The following ALG5 variants were observed in gnomAD, a reference collection of about 807,000 sequenced individuals.
The protein encoded by ALG5 is dolichyl-phosphate beta-glucosyltransferase.
In ALG5, 26 loss-of-function variants were observed where a neutral mutation model predicts 51.8. That is an observed-to-expected ratio of 0.50 (90% CI 0.37 to 0.70). ALG5 has a LOEUF of 0.70. ALG5 is among the 30% of genes least tolerant of loss of function. ALG5 has a pLI of 0.00. For synonymous variants in ALG5, 141 were observed against 136.1 expected, an observed-to-expected ratio of 1.04 and a Z score of -0.25; for missense variants, 311 against 399.3, an observed-to-expected ratio of 0.78 and a Z score of 1.88.
intron 7 of ALG5, 28 bp from the exon 8 acceptor site, chr13:36,965,754 C>G: frequency 6.3e-7 from 1 of 1,597,636 alleles, no homozygotes; most frequent in Non-Finnish European, 8.5e-7. Context: ...ATATAAATGA[C>G]TTTTCCATTC....
intron 6 of ALG5, among the ~76,000 whole-genome samples, chr13:36,975,075 G>A (rs566448866): frequency 1.8e-3 from 269 of 152,296 alleles, no homozygotes; most frequent in African/African-American, 6.2e-3. Context: ...GCTGGGCGTG[G>A]TGGCATGCGC....
intron 8 of ALG5, among the ~76,000 whole-genome samples, chr13:36,957,819 TC>T (rs889789351): frequency 1.3e-5 from 2 of 151,976 alleles, no homozygotes; most frequent in African/African-American, 4.8e-5. Context: ...AGGAAGCCTG[TC>T]CCCGAGAAGA....
chr13:36,985,800 C>T (rs973647469), intron 5 of ALG5, 60 bp from the exon 6 acceptor site: 2 of 1,120,318 alleles, frequency 1.8e-6, no homozygotes, highest in Non-Finnish European at 2.7e-6. Context: ...AATTCAATGA[C>T]ACTTCAGTCT....
intron 6 of ALG5, among the ~76,000 whole-genome samples, chr13:36,982,525 C>T (rs374819054): frequency 1.3e-5 from 2 of 152,178 alleles, no homozygotes; most frequent in African/African-American, 4.8e-5. Flanking sequence ...TACAATAGAG[C>T]GTTGAGCAGC....
chr13:36,986,524 GGT>G (rs2059002548), intron 5 of ALG5, among the ~76,000 whole-genome samples: 1 of 152,108 alleles, frequency 6.6e-6, no homozygotes, highest in Non-Finnish European at 1.5e-5. Flanking sequence ...TGTGACTATA[GGT>G]AAGACATATA....
intron 1 of ALG5, among the ~76,000 whole-genome samples, chr13:36,997,884 C>A (rs1270490065): frequency 6.6e-6 from 1 of 152,018 alleles, no homozygotes; most frequent in Non-Finnish European, 1.5e-5. Context: ...CTTGCTCTGG[C>A]ATTTAAAAAA....
At chr13:36,990,818 T>C (rs1321559058) in intron 4 of ALG5, among the ~76,000 whole-genome samples, 1 of 152,204 alleles carries the variant, frequency 6.6e-6, no homozygotes, top group African/African-American at 2.4e-5. Context: ...CACTGGCTAC[T>C]ATAACTCACT....
At chr13:36,976,705 A>C (rs1223235318) in intron 6 of ALG5, among the ~76,000 whole-genome samples, 2 of 151,816 alleles carry the variant, frequency 1.3e-5, no homozygotes, top group Admixed American at 1.3e-4. Context: ...CCGAGATCGC[A>C]CCACTGCACT....
intron 1 of ALG5, among the ~76,000 whole-genome samples, chr13:36,997,388 G>C (rs548710560): frequency 2.8e-5 from 4 of 140,786 alleles, no homozygotes; most frequent in African/African-American, 1.1e-4. Flanking sequence ...CAGGAGAATT[G>C]CTTGAGGGCA....
chr13:36,987,637 T>C (rs1364670155), intron 5 of ALG5, among the ~76,000 whole-genome samples: 1 of 152,226 alleles, frequency 6.6e-6, no homozygotes, highest in Non-Finnish European at 1.5e-5. Flanking sequence ...GTGTACAGCA[T>C]GCAGAACCGT....
At position 36,997,432 on chromosome 13, in the gene ALG5, C is replaced by T. The variant is rs576851899; in HGVS notation, c.66+1803G>A. On this transcript the variant is annotated intron_variant, in intron 1 of 9. Transcript: ENST00000239891. ...AGTGAGCCAAGATCACACCACTGCA[C>T]TCCAGCCTGGGTGACAAGAGCCAGA... Among the ~76,000 whole-genome samples, 3 of 141,804 alleles carry T rather than the reference C, an allele frequency of 2.1e-5. No individual in the cohort carries two copies. The East Asian group carries it at 6.3e-4, about 30-fold the overall frequency. The allele number at this position is 141,804 out of a possible 152,430, so 93.0% of individuals were successfully genotyped here. A position where few individuals can be genotyped will look rare whatever the true frequency, so the allele number is the denominator to read the frequency against.
intron 7 of ALG5, among the ~76,000 whole-genome samples, chr13:36,971,649 CAAAAA>C (rs35424140): frequency 2.0e-5 from 1 of 50,700 alleles, no homozygotes; most frequent in Non-Finnish European, 3.3e-5. Context: ...ACTCCGTCTC[CAAAAA>C]AAAAAAAAAA....
chr13:36,978,482 C>G (rs941127347), intron 6 of ALG5, among the ~76,000 whole-genome samples: 1 of 151,900 alleles, frequency 6.6e-6, no homozygotes, highest in Non-Finnish European at 1.5e-5. Context: ...CCACTGTGCC[C>G]GGTCCTCAGT....
chr13:36,973,167 A>C (rs2058934465), intron 6 of ALG5, among the ~76,000 whole-genome samples: 1 of 151,972 alleles, frequency 6.6e-6, no homozygotes, highest in East Asian at 1.9e-4. Flanking sequence ...AGCAAAAATA[A>C]TCAAGAAAAA....
chr13:36,955,284 C>T (rs574876162), intron 8 of ALG5, among the ~76,000 whole-genome samples: 13 of 152,296 alleles, frequency 8.5e-5, no homozygotes, highest in African/African-American at 3.1e-4. Context: ...ATCAGAGGCT[C>T]TGCGCATGGA....
At chr13:36,965,951 C>T (rs2058891299) in intron 7 of ALG5, among the ~76,000 whole-genome samples, 1 of 152,142 alleles carries the variant, frequency 6.6e-6, no homozygotes, top group Non-Finnish European at 1.5e-5. Context: ...TTACTCATTT[C>T]CTGGAGGTTG....
At chr13:36,964,178 G>A (rs1159175803) in intron 8 of ALG5, among the ~76,000 whole-genome samples, 1 of 152,148 alleles carries the variant, frequency 6.6e-6, no homozygotes, top group Non-Finnish European at 1.5e-5. Flanking sequence ...CTACCCTAAG[G>A]AAGATCTGAA....
intron 5 of ALG5, among the ~76,000 whole-genome samples, chr13:36,988,115 G>T (rs143493833): frequency 6.6e-6 from 1 of 152,082 alleles, no homozygotes; most frequent in African/African-American, 2.4e-5. Context: ...AGACCCCGCC[G>T]AGAATTTGCC....
chr13:36,990,103 C>G (rs2059019419), intron 4 of ALG5, among the ~76,000 whole-genome samples: 1 of 152,232 alleles, frequency 6.6e-6, no homozygotes, highest in South Asian at 2.1e-4. Flanking sequence ...ATCTCTTCCT[C>G]TCTGCTGGCT....
Sources: gnomAD v4.1 joint callset for allele counts (sites outside exome capture counted in the v4.1 genomes callset) on GRCh38, gnomAD v4.1.1 for gene constraint, MANE v1.5 for transcripts, NCBI Gene and HGNC (gene_info 2026-07-23, HGNC 2026-07-21) for gene names.